Variants in ARHGAP25 observed in about 807,000 individuals in gnomAD.
ARHGAP25 encodes Rho GTPase activating protein 25.
A neutral mutation model predicts 71.0 loss-of-function variants in ARHGAP25; 34 were observed. The ratio of observed to expected loss-of-function variants is 0.48; its 90% CI spans 0.36 to 0.64. The LOEUF (loss-of-function observed/expected upper bound fraction) is 0.64, where lower values mean the gene tolerates loss of function less well. Ranked by LOEUF, ARHGAP25 falls within the 30% of genes least tolerant of loss-of-function variation. The pLI is 0.00. For missense variants in ARHGAP25, 706 were observed against 805.1 expected, an observed-to-expected ratio of 0.88 and a Z score of 1.49; for synonymous variants, 282 against 296.5, an observed-to-expected ratio of 0.95 and a Z score of 0.50.
intron 10 of ARHGAP25, among the ~76,000 whole-genome samples, chr2:68,824,073 T>A (rs1681911773): frequency 6.6e-6 from 1 of 152,216 alleles, no homozygotes; most frequent in Non-Finnish European, 1.5e-5. Flanking sequence ...TCATTCATTG[T>A]TCCACACAGA....
intron 1 of ARHGAP25, among the ~76,000 whole-genome samples, chr2:68,752,046 G>A (rs1441089008): frequency 6.6e-6 from 1 of 152,202 alleles, no homozygotes; most frequent in African/African-American, 2.4e-5. Context: ...ATAGTTGATT[G>A]AATTTTAGAC....
intron 4 of ARHGAP25, among the ~76,000 whole-genome samples, chr2:68,789,402 T>A (rs1679007136): frequency 2.0e-5 from 3 of 152,216 alleles, no homozygotes; most frequent in Admixed American, 2.0e-4. Flanking sequence ...TCCAATGATG[T>A]TAAACAACCA....
In ARHGAP25 at chr2:68,787,935, G is replaced by A. The variant is rs1678871777; in HGVS notation, c.445G>A (p.Val149Ile). The A allele has an allele frequency of 1.9e-6, 3 of 1,614,202 alleles. No homozygotes were observed. The highest frequency in any genetic ancestry group is 2.2e-5 in the South Asian group (2 of 91,086). ...GGAGTGGGTTAAATTCCTCAGGAGA[G>A]TTGCTGGCACACCCTGTGGAGGTAA... ...MEEWVKFLRR[V>I]AGTPCGAVFG... The change falls in exon 4 of 11, where the codon GTT becomes ATT. Residue 149 changes from valine to isoleucine, a missense_variant. Transcript: ENST00000409202.
intron 8 of ARHGAP25, 57 bp downstream of exon 8, chr2:68,818,051 C>A: frequency 1.9e-6 from 3 of 1,601,258 alleles, no homozygotes; most frequent in Non-Finnish European, 2.6e-6. Flanking sequence ...TACAACATTC[C>A]CCCTGATATT....
chr2:68,775,399 T>G lies in ARHGAP25; in HGVS notation c.240T>G (p.Asp80Glu), dbSNP rs1677812765. 1 of 1,614,060 alleles carries G rather than the reference T, an allele frequency of 6.2e-7. No individual in the cohort carries two copies. The highest frequency in any genetic ancestry group is 1.7e-5 in the Admixed American group (1 of 60,012). ...CGCAGCAGCTCTACTACTACAAGGA[T>G]GAAGAGGACACGAAGCCCCAGGTAC... is the stretch of plus-strand genomic sequence containing the variant. ...LRAQQLYYYK[D>E]EEDTKPQGCM... Residue 80 changes from aspartate to glutamate, a missense_variant, in exon 2 of 11, where the codon GAT becomes GAG. Coordinates refer to ENST00000409202, the MANE Select transcript of ARHGAP25 (RefSeq NM_001007231.3).
At chr2:68,806,445 C>T (rs2104442157) in intron 4 of ARHGAP25, among the ~76,000 whole-genome samples, 1 of 152,330 alleles carries the variant, frequency 6.6e-6, no homozygotes, top group South Asian at 2.1e-4. Context: ...GGATACATTT[C>T]AAGACCGCAG....
chr2:68,774,031 A>G (rs1473346486), intron 1 of ARHGAP25, among the ~76,000 whole-genome samples: 2 of 152,188 alleles, frequency 1.3e-5, no homozygotes, highest in African/African-American at 2.4e-5. Context: ...AGGTGAAATG[A>G]AATGGGTCGG....
In ARHGAP25 at chr2:68,798,980, G is replaced by A. The variant is rs1292332270; in HGVS notation, c.467-8293G>A. Reference sequence around the variant, plus strand: ...TATTTAAAAGATCATTCTACTTGCTGTGTGGAAAATGGATTGGGCTGGAGG... The same window carrying A: ...TATTTAAAAGATCATTCTACTTGCTATGTGGAAAATGGATTGGGCTGGAGG... On this transcript the variant is annotated intron_variant, in intron 4 of 10. Coordinates refer to ENST00000409202, the MANE Select transcript of ARHGAP25 (RefSeq NM_001007231.3). Among the ~76,000 whole-genome samples the A allele has an allele frequency of 2.0e-5, 3 of 152,200 alleles. 1 individual carries two copies. The highest frequency in any genetic ancestry group is 6.5e-5 in the Admixed American group (1 of 15,282).
intron 2 of ARHGAP25, among the ~76,000 whole-genome samples, chr2:68,723,962 C>A (rs1674824685): frequency 6.6e-6 from 1 of 151,912 alleles, no homozygotes; most frequent in Admixed American, 6.6e-5. Context: ...GCAGCCTGGA[C>A]CTTCGGGCTC....
intron 2 of ARHGAP25, among the ~76,000 whole-genome samples, chr2:68,721,476 T>A (rs12466774): frequency 6.6e-6 from 1 of 152,064 alleles, no homozygotes; most frequent in Admixed American, 6.5e-5. Context: ...TGAGAAGGAA[T>A]TGGATTTGAA....
At chr2:68,805,629 A>G (rs1680305846) in intron 4 of ARHGAP25, among the ~76,000 whole-genome samples, 1 of 152,094 alleles carries the variant, frequency 6.6e-6, no homozygotes, top group Non-Finnish European at 1.5e-5. Context: ...CGAACATGAT[A>G]GAGAGAAGAG....
At chr2:68,775,687 T>A in intron 2 of ARHGAP25, 1 of 614,204 alleles carries the variant, frequency 1.6e-6, no homozygotes, top group Middle Eastern at 2.6e-4. Context: ...AGGGCGGTGA[T>A]GGTAGTGACA....
chr2:68,810,022 C>T (rs1217958157), intron 5 of ARHGAP25, among the ~76,000 whole-genome samples: 3 of 151,870 alleles, frequency 2.0e-5, no homozygotes, highest in Non-Finnish European at 1.5e-5. Flanking sequence ...GCATCAATGC[C>T]CCCAGGGAAG....
intron 2 of ARHGAP25, among the ~76,000 whole-genome samples, chr2:68,718,722 CATTTGGTCTTTGA>C (rs139821278): frequency 0.15 from 22,711 of 152,130 alleles, 1,988 homozygotes; most frequent in East Asian, 0.33. Context: ...TTTGTTCTAA[CATTTGGTCTTTGA>C]GTCCAGTTCC....
intron 1 of ARHGAP25, among the ~76,000 whole-genome samples, chr2:68,751,752 TCTC>T (rs1390736309): frequency 6.6e-6 from 1 of 152,174 alleles, no homozygotes; most frequent in African/African-American, 2.4e-5. Flanking sequence ...GTACAGAAAA[TCTC>T]CTCATTAAGT....
intron 2 of ARHGAP25, among the ~76,000 whole-genome samples, chr2:68,714,657 G>A (rs543105158): frequency 9.2e-5 from 14 of 152,188 alleles, no homozygotes; most frequent in Admixed American, 2.0e-4. Context: ...TACTTTATCC[G>A]TGTCCCAGAG....
chr2:68,825,898 G>GA lies in ARHGAP25; in HGVS notation c.1734-85dup. 4.3e-6 allele frequency: 5 copies of GA among 1,153,834 alleles called. No homozygotes were observed. In the South Asian group the frequency reaches 7.4e-5, roughly 17 times the overall value. The allele number at this position is 1,153,834 out of a possible 1,614,324, so 71.5% of individuals were successfully genotyped here. On this transcript the variant is annotated intron_variant, in intron 10 of 10. Coordinates refer to ENST00000409202, the MANE Select transcript of ARHGAP25 (RefSeq NM_001007231.3). ...GGATAAGGGTCTTGTGATTTGAAAG[G>GA]AAAATGAGCAGCAGGTTGTGAGCAA... is the stretch of plus-strand genomic sequence containing the variant.
At chr2:68,760,632 AG>A (rs1676747556) in intron 1 of ARHGAP25, among the ~76,000 whole-genome samples, 1 of 152,026 alleles carries the variant, frequency 6.6e-6, no homozygotes, top group South Asian at 2.1e-4. Context: ...AACCACCAGA[AG>A]GTGAAATACT....
At chr2:68,730,825 C>T (rs559748206), upstream of ARHGAP25, among the ~76,000 whole-genome samples, 6 of 152,186 alleles carry the variant, frequency 3.9e-5, 1 homozygote, top group African/African-American at 1.2e-4. Context: ...GTTTTCACAG[C>T]GATCTGCCAT....
Sources: gnomAD v4.1 joint callset for allele counts (sites outside exome capture counted in the v4.1 genomes callset) on GRCh38, gnomAD v4.1.1 for gene constraint, MANE v1.5 for transcripts, NCBI Gene and HGNC (gene_info 2026-07-23, HGNC 2026-07-21) for gene names.